SUPT3H: variants seen among roughly 807,000 people sequenced by gnomAD.
SUPT3H encodes transcription initiation protein SPT3 homolog.
Under a neutral mutation model 44.3 loss-of-function variants are expected in SUPT3H, and 44 were observed. The ratio of observed to expected loss-of-function variants is 0.99; its 90% CI spans 0.78 to 1.28. SUPT3H has a LOEUF of 1.28. Ranked by LOEUF, SUPT3H falls within the 50% of genes most tolerant of loss-of-function variation. The pLI is 0.00. For missense variants in SUPT3H, 380 were observed against 387.1 expected, an observed-to-expected ratio of 0.98 and a Z score of 0.15; for synonymous variants, 124 against 125.6, an observed-to-expected ratio of 0.99 and a Z score of 0.09.
chr6:44,884,991 G>A (rs1277501919), intron 10 of SUPT3H, among the ~76,000 whole-genome samples: 1 of 152,132 alleles, frequency 6.6e-6, no homozygotes, highest in Non-Finnish European at 1.5e-5. Context: ...AGGGTCCTAC[G>A]CCCACGGAGT....
chr6:45,030,195 T>C (rs567659124), intron 3 of SUPT3H, among the ~76,000 whole-genome samples: 3 of 152,346 alleles, frequency 2.0e-5, no homozygotes, highest in South Asian at 4.1e-4. Context: ...ACATAATATA[T>C]AGTTATCCTT....
At chr6:45,011,593 ACCC>A (rs1396775453) in intron 5 of SUPT3H, among the ~76,000 whole-genome samples, 1 of 152,176 alleles carries the variant, frequency 6.6e-6, no homozygotes, top group East Asian at 1.9e-4. Context: ...AACATTACAG[ACCC>A]AACATAACAA....
intron 10 of SUPT3H, among the ~76,000 whole-genome samples, chr6:44,894,475 G>C (rs955050331): frequency 3.3e-4 from 50 of 152,176 alleles, no homozygotes; most frequent in African/African-American, 1.2e-3. Context: ...TTTATAAATA[G>C]GGAATCCTTT....
intron 2 of SUPT3H, among the ~76,000 whole-genome samples, chr6:45,202,636 T>C (rs983269339): frequency 1.4e-4 from 21 of 152,216 alleles, no homozygotes; most frequent in African/African-American, 5.0e-4. Flanking sequence ...AAATACCTTG[T>C]ACATTATTAC....
intron 2 of SUPT3H, among the ~76,000 whole-genome samples, chr6:45,215,026 C>T (rs760042675): frequency 6.6e-6 from 1 of 152,112 alleles, no homozygotes; most frequent in African/African-American, 2.4e-5. Context: ...ACGACAGCAA[C>T]AACAAATACC....
intron 10 of SUPT3H, among the ~76,000 whole-genome samples, chr6:44,841,755 G>T (rs1275700346): frequency 1.3e-5 from 2 of 152,082 alleles, no homozygotes; most frequent in Non-Finnish European, 2.9e-5. Flanking sequence ...AAGGCTCTTG[G>T]GGAACTCAGG....
chr6:44,836,059 C>T (rs1428111470), intron 10 of SUPT3H, among the ~76,000 whole-genome samples: 1 of 152,058 alleles, frequency 6.6e-6, no homozygotes, highest in Non-Finnish European at 1.5e-5. Flanking sequence ...ATAAAATATG[C>T]CCCTTTCTTT....
chr6:45,295,429 A>G (rs1172219806), intron 2 of SUPT3H, among the ~76,000 whole-genome samples: 1 of 149,102 alleles, frequency 6.7e-6, no homozygotes, highest in East Asian at 2.1e-4. Context: ...ACATTGGCTT[A>G]GGCAAGGATT....
chr6:45,001,612 G>A (rs972469171), intron 6 of SUPT3H, among the ~76,000 whole-genome samples: 4 of 148,090 alleles, frequency 2.7e-5, no homozygotes, highest in African/African-American at 7.4e-5. Flanking sequence ...AATACCAAGT[G>A]AGTTTTTATA....
At chr6:45,362,969 GTTTT>G (rs1012667122) in intron 2 of SUPT3H, among the ~76,000 whole-genome samples, 1 of 151,578 alleles carries the variant, frequency 6.6e-6, no homozygotes, top group African/African-American at 2.4e-5. Flanking sequence ...GAACAGTTTG[GTTTT>G]TTTAATATTT....
At chr6:44,998,867 A>C (rs1054979364) in intron 6 of SUPT3H, among the ~76,000 whole-genome samples, 2 of 151,970 alleles carry the variant, frequency 1.3e-5, no homozygotes, top group East Asian at 1.9e-4. Flanking sequence ...TTCCAATTTA[A>C]TAATGAAAGA....
intron 2 of SUPT3H, among the ~76,000 whole-genome samples, chr6:45,346,679 TG>T (rs1416283808): frequency 6.6e-6 from 1 of 151,978 alleles, no homozygotes; most frequent in African/African-American, 2.4e-5. Context: ...GCAATTCTCT[TG>T]CCTCTGCCTG....
intron 3 of SUPT3H, among the ~76,000 whole-genome samples, chr6:45,053,916 A>G: frequency 1.5e-5 from 2 of 133,328 alleles, no homozygotes; most frequent in African/African-American, 6.7e-5. Context: ...CTCCGTCTCA[A>G]AAAAAAAAAA....
At chr6:44,835,002 C>T (rs1010601570) in intron 10 of SUPT3H, among the ~76,000 whole-genome samples, 2 of 152,034 alleles carry the variant, frequency 1.3e-5, no homozygotes, top group African/African-American at 4.8e-5. Context: ...GATTAGCCCT[C>T]CCCTGGAGAA....
intron 3 of SUPT3H, among the ~76,000 whole-genome samples, chr6:45,083,977 T>C (rs1171108259): frequency 2.0e-5 from 3 of 152,198 alleles, no homozygotes; most frequent in Admixed American, 2.0e-4. Flanking sequence ...CCTTTCACCA[T>C]ATACAGAAAT....
At chr6:45,272,507 T>A (rs1411697648) in intron 2 of SUPT3H, among the ~76,000 whole-genome samples, 1 of 152,220 alleles carries the variant, frequency 6.6e-6, no homozygotes, top group Non-Finnish European at 1.5e-5. Context: ...TAAACCTCTG[T>A]CTTTTGTAAA....
At chr6:45,313,195 CACAA>C (rs1305248343) in intron 2 of SUPT3H, among the ~76,000 whole-genome samples, 1 of 151,940 alleles carries the variant, frequency 6.6e-6, no homozygotes, top group Non-Finnish European at 1.5e-5. Context: ...GTTGAAAGAG[CACAA>C]ACAGACAATC....
chr6:44,976,654 C>G (rs1197972469), intron 6 of SUPT3H, among the ~76,000 whole-genome samples: 1 of 152,124 alleles, frequency 6.6e-6, no homozygotes, highest in Non-Finnish European at 1.5e-5. Flanking sequence ...TGAGGCACTG[C>G]GCCCGGCCAT....
In SUPT3H at chr6:44,854,849, A is replaced by G. The variant is rs150845523; in HGVS notation, c.913-24992T>C. ...TACAGAATCTGGAAAGATGACAGCTATCTTCAAATACCTGAAGGACTATCT... is the reference window on the plus strand; with the variant it reads ...TACAGAATCTGGAAAGATGACAGCTGTCTTCAAATACCTGAAGGACTATCT... On this transcript the variant is annotated intron_variant, in intron 10 of 10. Transcript: ENST00000371459. Among the ~76,000 whole-genome samples the G allele has an allele frequency of 8.5e-5, 13 of 152,348 alleles. No individual in the cohort carries two copies. The East Asian group carries it at 2.1e-3, about 25-fold the overall frequency.
Sources: gnomAD v4.1 joint callset for allele counts (sites outside exome capture counted in the v4.1 genomes callset) on GRCh38, gnomAD v4.1.1 for gene constraint, MANE v1.5 for transcripts, NCBI Gene and HGNC (gene_info 2026-07-23, HGNC 2026-07-21) for gene names.